The following MYCT1 variants were observed in gnomAD, a reference collection of about 807,000 sequenced individuals.
The protein encoded by MYCT1 is MYC target 1, also known as myc target protein 1.
In MYCT1, 12 loss-of-function variants were observed where a neutral mutation model predicts 15.0. That is an observed-to-expected ratio of 0.80 (90% CI 0.51 to 1.29). MYCT1 has a LOEUF of 1.29. Among genes scored for constraint, MYCT1 ranks in the 50% most tolerant of loss-of-function variants. The pLI, the probability that MYCT1 is intolerant of heterozygous loss-of-function variation, is 0.00. For missense variants in MYCT1, 287 were observed against 279.1 expected, an observed-to-expected ratio of 1.03 and a Z score of -0.20; for synonymous variants, 104 against 102.7, an observed-to-expected ratio of 1.01 and a Z score of -0.07.
At chr6:152,716,906 C>G (rs575745170) in intron 1 of MYCT1, among the ~76,000 whole-genome samples, 1 of 152,244 alleles carries the variant, frequency 6.6e-6, no homozygotes, top group Non-Finnish European at 1.5e-5. Flanking sequence ...GATTATGGCT[C>G]ATTTTTCTTC....
intron 1 of MYCT1, among the ~76,000 whole-genome samples, chr6:152,700,129 C>T (rs969889375): frequency 2.0e-5 from 3 of 151,988 alleles, no homozygotes; most frequent in African/African-American, 7.2e-5. Flanking sequence ...AAAATATAAA[C>T]ATATAAAATG....
At chr6:152,721,118 CT>C (rs1162936510) in intron 1 of MYCT1, among the ~76,000 whole-genome samples, 3 of 152,116 alleles carry the variant, frequency 2.0e-5, no homozygotes, top group African/African-American at 7.2e-5. Flanking sequence ...GCCCAGTAGT[CT>C]GCACAGGTCA....
chr6:152,736,862 A>G, the MYCT1 span, among the ~76,000 whole-genome samples: 1 of 152,272 alleles, frequency 6.6e-6, no homozygotes, highest in Admixed American at 6.5e-5. Flanking sequence ...GAAAGTTGAC[A>G]TGCTGATTTA....
At chr6:152,743,466 T>C in the MYCT1 span, among the ~76,000 whole-genome samples, 1 of 152,158 alleles carries the variant, frequency 6.6e-6, no homozygotes, top group Admixed American at 6.5e-5. Flanking sequence ...CTCAACAACA[T>C]TTCTTTTGGT....
intron 1 of MYCT1, among the ~76,000 whole-genome samples, chr6:152,706,577 TAA>T (rs1157643572): frequency 6.6e-6 from 1 of 152,166 alleles, no homozygotes; most frequent in Admixed American, 6.6e-5. Context: ...TTTTGTGTAA[TAA>T]AAGTTTGTTT....
downstream of MYCT1, among the ~76,000 whole-genome samples, chr6:152,728,628 G>C (rs1172465545): frequency 6.6e-6 from 1 of 152,152 alleles, no homozygotes; most frequent in Non-Finnish European, 1.5e-5. Flanking sequence ...GGGCGTGGTG[G>C]CTCATGCCTG....
intron 1 of MYCT1, among the ~76,000 whole-genome samples, chr6:152,708,814 T>C (rs1199737086): frequency 6.6e-6 from 1 of 152,050 alleles, no homozygotes; most frequent in Non-Finnish European, 1.5e-5. Context: ...GGTGTGCTGG[T>C]GATTAATTTG....
intron 1 of MYCT1, among the ~76,000 whole-genome samples, chr6:152,702,067 G>A (rs1466279688): frequency 6.6e-6 from 1 of 152,086 alleles, no homozygotes; most frequent in African/African-American, 2.4e-5. Context: ...GTTCCTCTGG[G>A]ATTCCCTAAT....
At chr6:152,732,019 G>C in the MYCT1 span, among the ~76,000 whole-genome samples, 17 of 152,152 alleles carry the variant, frequency 1.1e-4, no homozygotes, top group Non-Finnish European at 2.4e-4. Flanking sequence ...GAATATACAA[G>C]TAAGTTTGGA....
At chr6:152,732,686 A>C in the MYCT1 span, among the ~76,000 whole-genome samples, 1 of 152,236 alleles carries the variant, frequency 6.6e-6, no homozygotes, top group Non-Finnish European at 1.5e-5. Context: ...AGTGTGTAGT[A>C]TTTATTTATT....
chr6:152,727,044 T>C (rs1177219465), downstream of MYCT1, among the ~76,000 whole-genome samples: 1 of 152,008 alleles, frequency 6.6e-6, no homozygotes, highest in Non-Finnish European at 1.5e-5. Flanking sequence ...ACCTTGTCTC[T>C]ACTAAAAATA....
the MYCT1 span, among the ~76,000 whole-genome samples, chr6:152,736,984 G>A: frequency 2.0e-5 from 3 of 152,084 alleles, no homozygotes; most frequent in Non-Finnish European, 4.4e-5. Flanking sequence ...CCTTCCAAAT[G>A]AAATTACAAA....
Position 152,722,267 on chromosome 6 carries a change from T to A in MYCT1, c.*14T>A. 1 of 1,577,252 alleles carries A rather than the reference T, an allele frequency of 6.3e-7. No homozygotes were observed. Among genetic ancestry groups the A allele is most frequent in the Non-Finnish European group, 8.6e-7 (1 of 1,165,886 alleles). On this transcript the variant is annotated 3_prime_UTR_variant, in exon 2 of 2. Transcript: ENST00000367245. ...CCAGATTCCTGAGTAGGGTGGCTTTTGGTTTTTGTTTCTTTCTTGTCTTGT... is the reference window on the plus strand; with the variant it reads ...CCAGATTCCTGAGTAGGGTGGCTTTAGGTTTTTGTTTCTTTCTTGTCTTGT...
rs987803341 is a variant in MYCT1 at position 152,713,154 on chromosome 6, G to A, written c.197-8588G>A. 2.1e-4 allele frequency among the ~76,000 whole-genome samples: 32 copies of A among 151,974 alleles called. No individual in the cohort carries two copies. The Middle Eastern group carries it at 0.01, about 49-fold the overall frequency. ...CTATTAATACACCTTTAAGTTGGCCGATTCTTTTCTCTCTCATTTTAATTT... is the reference window on the plus strand; with the variant it reads ...CTATTAATACACCTTTAAGTTGGCCAATTCTTTTCTCTCTCATTTTAATTT... On this transcript the variant is annotated intron_variant, in intron 1 of 1. Coordinates refer to ENST00000367245, the MANE Select transcript of MYCT1 (RefSeq NM_025107.3).
At chr6:152,736,663 T>C in the MYCT1 span, among the ~76,000 whole-genome samples, 1 of 152,114 alleles carries the variant, frequency 6.6e-6, no homozygotes, top group Non-Finnish European at 1.5e-5. Context: ...GAGAAAAGAA[T>C]AGGCTGCACA....
In MYCT1 at chr6:152,723,802, A is replaced by G. The variant is rs1017455736; in HGVS notation, c.*1549A>G. 2 of 152,190 alleles carry G rather than the reference A, an allele frequency of 1.3e-5. No homozygotes were observed. The highest frequency in any genetic ancestry group is 4.8e-5 in the African/African-American group (2 of 41,444). 9.4% of individuals were successfully genotyped at this position (152,190 alleles called of 1,614,324 possible). On this transcript the variant is annotated 3_prime_UTR_variant, in exon 2 of 2. Coordinates refer to ENST00000367245, the MANE Select transcript of MYCT1 (RefSeq NM_025107.3). ...ATGAGTTCACTGGAGTATTACTCAA[A>G]AAGTCTGTGGTTCATTTCCAGTATT...
the MYCT1 span, among the ~76,000 whole-genome samples, chr6:152,747,116 G>A: frequency 3.3e-5 from 5 of 151,590 alleles, no homozygotes; most frequent in Admixed American, 6.6e-5. Context: ...AGAATTGAAA[G>A]TGTTTATATA....
At chr6:152,746,729 T>C in the MYCT1 span, among the ~76,000 whole-genome samples, 1 of 152,222 alleles carries the variant, frequency 6.6e-6, no homozygotes. Flanking sequence ...GAAATCTATT[T>C]TCAGGAAATC....
At chr6:152,737,147 A>G in the MYCT1 span, among the ~76,000 whole-genome samples, 1 of 152,110 alleles carries the variant, frequency 6.6e-6, no homozygotes, top group Admixed American at 6.6e-5. Flanking sequence ...ATTTCCTGGA[A>G]CAATATACTA....
Sources: gnomAD v4.1 joint callset for allele counts (sites outside exome capture counted in the v4.1 genomes callset) on GRCh38, gnomAD v4.1.1 for gene constraint, MANE v1.5 for transcripts, NCBI Gene and HGNC (gene_info 2026-07-23, HGNC 2026-07-21) for gene names.